The following TG variants were observed in gnomAD, a reference collection of about 807,000 sequenced individuals.
TG encodes the protein thyroglobulin, also known as thyroid hormones.
Under a neutral mutation model 324.7 loss-of-function variants are expected in TG, and 270 were observed. The ratio of observed to expected loss-of-function variants is 0.83; its 90% confidence interval spans 0.75 to 0.92. The LOEUF (loss-of-function observed/expected upper bound fraction) is 0.92, where lower values mean the gene tolerates loss of function less well. Ranked by LOEUF, TG falls within the 40% of genes least tolerant of loss-of-function variation. The pLI, the probability that TG is intolerant of heterozygous loss-of-function variation, is 0.00. For synonymous variants in TG, 1,401 were observed against 1,327.0 expected, an observed-to-expected ratio of 1.06 and a Z score of -1.21; for missense variants, 3,591 against 3,456.4, an observed-to-expected ratio of 1.04 and a Z score of -0.98.
intron 27 of TG, among the ~76,000 whole-genome samples, chr8:132,949,288 C>T (rs752814954): frequency 6.6e-6 from 1 of 152,202 alleles, no homozygotes; most frequent in Admixed American, 6.5e-5. Flanking sequence ...TTCTCATCCT[C>T]CTCTGGAGGA....
rs760209530 is a variant in TG at position 132,941,360 on chromosome 8, C to T, written c.5051C>T (p.Ser1684Phe). The T allele has an allele frequency of 6.2e-6, 10 of 1,614,240 alleles. No individual in the cohort carries two copies. In the South Asian group the frequency reaches 8.8e-5, roughly 14 times the overall value. The change falls in exon 26 of 48, where the codon TCC becomes TTC. Residue 1684 changes from serine to phenylalanine, a missense_variant. Physicochemically the swap from Ser to Phe is radical, Grantham distance 155 (BLOSUM62 -2). Coordinates refer to ENST00000220616, the MANE Select transcript of TG (RefSeq NM_003235.5). ...TCTGCCTTTCCCCCAGGCCAAGGAT[C>T]CACCACAACACTTCAGAAACGCTTT... ...PAVYLKKGQG[S>F]TTTLQKRFEP...
chr8:133,096,075 C>T (rs1357775154), intron 42 of TG, 131 bp from the exon 43 acceptor site: 14 of 1,128,940 alleles, frequency 1.2e-5, no homozygotes, highest in Non-Finnish European at 1.7e-5. Context: ...GCCAGTTGTC[C>T]TGGTCACTTT....
rs573154576 is a variant in TG, at chr8:132,956,219, T to C, written c.5402-4789T>C. Among the ~76,000 whole-genome samples, 49 of 152,252 alleles carry C rather than the reference T, an allele frequency of 3.2e-4. 1 individual carries two copies. In the South Asian group the frequency reaches 1.0e-2, roughly 31 times the overall value. ...CTTCTGATGCGTGGGAAGGCAATGT[T>C]CTGTGTTTATTTGGTGGGCTCTGTG... On this transcript the variant is annotated intron_variant, in intron 27 of 47. Transcript: ENST00000220616.
intron 25 of TG, 128 bp from the exon 26 acceptor site, chr8:132,941,223 C>T: frequency 1.7e-6 from 2 of 1,146,992 alleles, no homozygotes; most frequent in Non-Finnish European, 2.6e-6. Context: ...AGCATCTCAT[C>T]TTGGCCCACA....
chr8:132,906,730 G>A lies in TG; in HGVS notation c.3677G>A (p.Gly1226Asp), dbSNP rs759879378. The A allele has an allele frequency of 8.1e-6, 13 of 1,614,208 alleles. No homozygotes were observed. The highest frequency in any genetic ancestry group is 1.1e-5 in the Non-Finnish European group (13 of 1,180,040). The change falls in exon 17 of 48, where the codon GGT (glycine) becomes GAT (aspartate). Residue 1226 changes from glycine to aspartate, a missense_variant. Transcript: ENST00000220616. ...PLPFNASEVV[G>D]GTILCETISG... ...CCATTCAACGCGTCGGAGGTGGTTG[G>A]TGGAACAATCCTGTGTGAGACAATC...
At chr8:133,038,407 T>C in intron 41 of TG, 1 of 786,668 alleles carries the variant, frequency 1.3e-6, no homozygotes, top group Non-Finnish European at 2.2e-6. Context: ...TGGCTTCTCT[T>C]GGCTTCTAAA....
chr8:132,876,482 G>A (rs1375664136), intron 5 of TG, among the ~76,000 whole-genome samples: 4 of 152,134 alleles, frequency 2.6e-5, no homozygotes, highest in Admixed American at 1.3e-4. Context: ...TTACTTCCCT[G>A]GGGCCACCAG....
At chr8:133,038,361 A>T (rs1248215772) in intron 41 of TG, 4 of 628,070 alleles carry the variant, frequency 6.4e-6, no homozygotes, top group Non-Finnish European at 1.1e-5. Context: ...TTTGGTCATG[A>T]TGTGGATAGA....
rs182897520 is a variant in TG at position 133,001,623 on chromosome 8, C to T, written c.6263-10278C>T. The T allele has an allele frequency of 3.6e-5, 15 of 412,072 alleles. No individual in the cohort carries two copies. The East Asian group carries it at 2.4e-3, about 66-fold the overall frequency. The allele number at this position is 412,072 out of a possible 1,614,324, so 25.5% of individuals were successfully genotyped here. On this transcript the variant is annotated intron_variant, in intron 35 of 47. Coordinates refer to ENST00000220616, the MANE Select transcript of TG (RefSeq NM_003235.5). ...CTGGTTCTCACTTGAATGATGGTCT[C>T]TGGTGAGAAAGCAGGATGTCTCAAT... is the stretch of plus-strand genomic sequence containing the variant.
In TG at chr8:133,008,720, G is replaced by A. The variant is rs934730336; in HGVS notation, c.6263-3181G>A. Among the ~76,000 whole-genome samples, 3 of 152,282 alleles carry A rather than the reference G, an allele frequency of 2.0e-5. No homozygotes were observed. In the East Asian group the frequency reaches 5.8e-4, roughly 29 times the overall value. On this transcript the variant is annotated intron_variant, in intron 35 of 47. Transcript: ENST00000220616. ...TAGCCATGCTAACACTGGCTAAGCC[G>A]ATTGGCTAAGCAAAAGGGTGTATTA...
chr8:132,880,462 C>T (rs745892036), intron 5 of TG, among the ~76,000 whole-genome samples: 64 of 152,174 alleles, frequency 4.2e-4, no homozygotes, highest in Non-Finnish European at 7.5e-4. Flanking sequence ...TTATATACCC[C>T]CTACCTCCCT....
chr8:132,911,866 T>A (rs1161136004), intron 19 of TG, among the ~76,000 whole-genome samples: 1 of 152,216 alleles, frequency 6.6e-6, no homozygotes, highest in Non-Finnish European at 1.5e-5. Flanking sequence ...AACTTATGTC[T>A]CGTCTGTTTC....
At chr8:133,059,176 A>G (rs1346357707) in intron 41 of TG, 1 of 455,862 alleles carries the variant, frequency 2.2e-6, no homozygotes, top group African/African-American at 2.0e-5. Flanking sequence ...GCTGCTGGGA[A>G]CCATGTGTGG....
intron 41 of TG, among the ~76,000 whole-genome samples, chr8:133,092,077 T>C (rs1847640567): frequency 6.6e-6 from 1 of 152,188 alleles, no homozygotes; most frequent in Admixed American, 6.5e-5. Flanking sequence ...TGTTGTGTGA[T>C]TTCCAGCCAG....
At chr8:132,959,101 A>T (rs1827383273) in intron 27 of TG, among the ~76,000 whole-genome samples, 1 of 152,222 alleles carries the variant, frequency 6.6e-6, no homozygotes, top group Admixed American at 6.5e-5. Flanking sequence ...ACCATTGTTT[A>T]TTCCCATTTC....
At chr8:133,106,093 A>T (rs1849777721) in intron 43 of TG, among the ~76,000 whole-genome samples, 1 of 152,130 alleles carries the variant, frequency 6.6e-6, no homozygotes, top group Non-Finnish European at 1.5e-5. Context: ...GGTGGGACTC[A>T]TGGAGAGCTG....
intron 45 of TG, among the ~76,000 whole-genome samples, chr8:133,130,978 C>T (rs758009258): frequency 6.6e-6 from 1 of 152,210 alleles, no homozygotes; most frequent in Non-Finnish European, 1.5e-5. Context: ...TCTGTCGCCA[C>T]CGCAGAGGGA....
intron 41 of TG, among the ~76,000 whole-genome samples, chr8:133,044,497 G>A (rs749896124): frequency 4.6e-5 from 7 of 152,250 alleles, no homozygotes; most frequent in South Asian, 2.1e-4. Flanking sequence ...AAGCATGATC[G>A]GAATGCTGGG....
chr8:133,032,770 T>A (rs1267470970), intron 41 of TG, among the ~76,000 whole-genome samples: 1 of 152,240 alleles, frequency 6.6e-6, no homozygotes, highest in Non-Finnish European at 1.5e-5. Context: ...GTTGAAACAT[T>A]GGTCAAGGGA....
Sources: gnomAD v4.1 joint callset for allele counts (sites outside exome capture counted in the v4.1 genomes callset) on GRCh38, gnomAD v4.1.1 for gene constraint, MANE v1.5 for transcripts, NCBI Gene and HGNC (gene_info 2026-07-23, HGNC 2026-07-21) for gene names.